FOCAD: variants seen among roughly 807,000 people sequenced by gnomAD.
FOCAD encodes the protein focadhesin.
Under a neutral mutation model 225.6 loss-of-function variants are expected in FOCAD, and 198 were observed. That is an observed-to-expected ratio of 0.88 (90% CI 0.78 to 0.99). The LOEUF (loss-of-function observed/expected upper bound fraction) is 0.99, where lower values mean the gene tolerates loss of function less well. Among genes scored for constraint, FOCAD ranks in the 50% least tolerant of loss-of-function variants. The pLI is 0.00. For missense variants in FOCAD, 2,713 were observed against 2,123.6 expected (o/e 1.28, Z -5.46); for synonymous variants, 897 against 755.0 (o/e 1.19, Z -3.08).
At chr9:20,655,912 T>G (rs1433302193), upstream of FOCAD, among the ~76,000 whole-genome samples, 1 of 152,068 alleles carries the variant, frequency 6.6e-6, no homozygotes, top group East Asian at 1.9e-4. Context: ...TTGTGGGCAT[T>G]TAGTGCTATA....
In FOCAD at chr9:20,945,298, C is replaced by A. The variant is rs188966957; in HGVS notation, c.3555+524C>A. On this transcript the variant is annotated intron_variant, in intron 29 of 43. Coordinates refer to ENST00000338382, the MANE Select transcript of FOCAD (RefSeq NM_001375567.1). ...ATGTGATCCAGTTCATGGGTGTTAACCATGTTTTTAGATGGAACATTTCAG... is the reference window on the plus strand; with the variant it reads ...ATGTGATCCAGTTCATGGGTGTTAAACATGTTTTTAGATGGAACATTTCAG... 7.8e-4 allele frequency among the ~76,000 whole-genome samples: 119 copies of A among 152,292 alleles called. 1 individual carries two copies. In the East Asian group the frequency reaches 0.02, roughly 26 times the overall value.
intron 37 of FOCAD, among the ~76,000 whole-genome samples, chr9:20,978,736 G>A (rs1295645041): frequency 6.6e-6 from 1 of 152,220 alleles, no homozygotes; most frequent in Admixed American, 6.5e-5. Context: ...TAGCTAGAAA[G>A]TGGTGGAATT....
intron 15 of FOCAD, among the ~76,000 whole-genome samples, chr9:20,850,617 T>C (rs1827552468): frequency 6.6e-6 from 1 of 151,702 alleles, no homozygotes; most frequent in East Asian, 1.9e-4. Flanking sequence ...TTTTTAGGAG[T>C]TGCATGAGCA....
At chr9:20,766,074 G>C (rs1830028508) in intron 7 of FOCAD, among the ~76,000 whole-genome samples, 1 of 152,294 alleles carries the variant, frequency 6.6e-6, no homozygotes, top group East Asian at 1.9e-4. Flanking sequence ...GCAATGTATA[G>C]GCAGAACATC....
Position 20,923,756 on chromosome 9 carries a change from C to A in FOCAD, c.2949C>A (p.Asp983Glu). 6.2e-7 allele frequency: 1 copy of A among 1,613,232 alleles called. No homozygotes were observed. The highest frequency in any genetic ancestry group is 1.1e-5 in the South Asian group (1 of 90,976). ...AAGCCAGCCTCTCCTCAGACTCTGA[C>A]GGGCTCCTGGAGGTTAGTTGGGGTG... ...RHEASLSSDS[D>E]GLLEVQPNFL... Residue 983 changes from aspartate (D) to glutamate (E), a missense_variant, in exon 25 of 44, where the codon GAC becomes GAA. Coordinates refer to ENST00000338382, the MANE Select transcript of FOCAD (RefSeq NM_001375567.1).
intron 31 of FOCAD, 60 bp downstream of exon 31, chr9:20,948,453 T>C: frequency 6.4e-7 from 1 of 1,569,842 alleles, no homozygotes; most frequent in African/African-American, 1.4e-5. Context: ...AACTACTTTA[T>C]TGGATCATTT....
At chr9:20,656,523 A>C (rs551104155), upstream of FOCAD, among the ~76,000 whole-genome samples, 2 of 152,108 alleles carry the variant, frequency 1.3e-5, no homozygotes, top group East Asian at 3.9e-4. Flanking sequence ...TCCCTTTACC[A>C]TTATGTAATG....
rs766874477 is a variant in FOCAD at position 20,764,992 on chromosome 9, G to C, written c.618G>C (p.Gln206His). Residue 206 changes from glutamine to histidine, a missense_variant, in exon 7 of 44, where the codon CAG (glutamine) becomes CAC (histidine). By Grantham distance (24) the Gln-to-His change is conservative (BLOSUM62 0). Transcript: ENST00000338382. ...LALLKVLLQPQVLCDKDQPSI... is the reference protein window; with the variant it reads ...LALLKVLLQPHVLCDKDQPSI... ...TGCTGAAAGTCTTACTTCAACCCCA[G>C]GTTCTTTGTGACAAAGATCAACCAT... 1.2e-6 allele frequency: 2 copies of C among 1,613,924 alleles called. No homozygotes were observed. Among genetic ancestry groups the C allele is most frequent in the East Asian group, 4.5e-5 (2 of 44,874 alleles).
At chr9:20,692,000 T>C (rs1823009054) in intron 1 of FOCAD, among the ~76,000 whole-genome samples, 1 of 152,144 alleles carries the variant, frequency 6.6e-6, no homozygotes, top group African/African-American at 2.4e-5. Flanking sequence ...TCCACCCGCC[T>C]TGGCCTCCCA....
chr9:20,783,208 CTTA>C (rs1378222110), intron 10 of FOCAD, among the ~76,000 whole-genome samples: 11 of 152,146 alleles, frequency 7.2e-5, no homozygotes, highest in Non-Finnish European at 1.6e-4. Context: ...GTGTGTGAAT[CTTA>C]TTATTAACAC....
intron 15 of FOCAD, among the ~76,000 whole-genome samples, chr9:20,830,522 AT>A (rs1382141829): frequency 6.6e-6 from 1 of 151,930 alleles, no homozygotes; most frequent in Non-Finnish European, 1.5e-5. Context: ...TTTATTCATT[AT>A]TTCACAGAGT....
rs1247867802 is a variant in FOCAD, at chr9:20,821,047, C to G, written c.1769C>G (p.Ser590Ter). The change falls in exon 14 of 44, where the codon TCA (serine) becomes TGA (stop). Residue 590 changes from serine to a stop codon, truncating the protein, a stop_gained. Transcript: ENST00000338382. LOFTEE classifies it high-confidence loss of function. ...QWEKLIAKAA[S>*]IRDICKQRPY... Reference sequence around the variant, plus strand: ...GAGAAACTGATTGCAAAAGCAGCATCAATCAGAGATATATGTAAGCAGAGG... The same window carrying G: ...GAGAAACTGATTGCAAAAGCAGCATGAATCAGAGATATATGTAAGCAGAGG... The G allele has an allele frequency of 6.2e-7, 1 of 1,612,540 alleles. No individual in the cohort carries two copies. Among genetic ancestry groups the G allele is most frequent in the South Asian group, 1.1e-5 (1 of 91,048 alleles).
At chr9:20,717,313 G>T (rs1025173532) in intron 2 of FOCAD, among the ~76,000 whole-genome samples, 7 of 152,168 alleles carry the variant, frequency 4.6e-5, no homozygotes, top group African/African-American at 1.7e-4. Flanking sequence ...TGTAGCAATA[G>T]TGAAGTAGTT....
intron 43 of FOCAD, 68 bp from the exon 44 acceptor site, chr9:20,995,488 T>C: frequency 7.5e-7 from 1 of 1,332,274 alleles, no homozygotes; most frequent in Non-Finnish European, 1.1e-6. Context: ...AGACAAATTC[T>C]GTTCTGACAC....
At chr9:20,856,051 T>C (rs1463987705) in intron 15 of FOCAD, among the ~76,000 whole-genome samples, 1 of 151,944 alleles carries the variant, frequency 6.6e-6, no homozygotes, top group African/African-American at 2.4e-5. Flanking sequence ...GCAGTAAACA[T>C]GGGAATGCAG....
chr9:20,912,955 G>C lies in FOCAD; in HGVS notation c.2807+1G>C, dbSNP rs1213314379. ...ACAAAAAAAGCACAGCCTGGCTCTG[G>C]TAAGTGTTCATGTTCAGCTGCCCAT... On this transcript the variant is annotated splice_donor_variant, in intron 23 of 43. Transcript: ENST00000338382. LOFTEE classifies it high-confidence loss of function. The C allele has an allele frequency of 1.9e-6, 3 of 1,611,782 alleles. No homozygotes were observed. The highest frequency in any genetic ancestry group is 2.5e-6 in the Non-Finnish European group (3 of 1,178,546).
At chr9:20,965,972 A>G (rs1399368883) in intron 35 of FOCAD, among the ~76,000 whole-genome samples, 1 of 152,088 alleles carries the variant, frequency 6.6e-6, no homozygotes, top group African/African-American at 2.4e-5. Context: ...GGCTATTGCA[A>G]GTGATGCTGT....
At chr9:20,657,966 T>C (rs1361501829), upstream of FOCAD, among the ~76,000 whole-genome samples, 1 of 141,716 alleles carries the variant, frequency 7.1e-6, no homozygotes, top group Non-Finnish European at 1.5e-5. Context: ...GGTGTGGATG[T>C]CCTTTCTGTT....
chr9:20,677,629 A>G (rs541267434), intron 2 of FOCAD, among the ~76,000 whole-genome samples: 73 of 149,282 alleles, frequency 4.9e-4, no homozygotes, highest in Middle Eastern at 3.4e-3. Flanking sequence ...ATCAGTAATC[A>G]TCATACAAAT....
Sources: allele counts gnomAD v4.1 joint callset (sites outside exome capture counted in the v4.1 genomes callset), GRCh38; gene constraint gnomAD v4.1.1; transcripts MANE v1.5; gene names NCBI Gene and HGNC (gene_info 2026-07-23, HGNC 2026-07-21).